Variants in AK5 observed in about 807,000 individuals in gnomAD.
The protein encoded by AK5 is adenylate kinase isoenzyme 5.
AK5 carries 27 observed loss-of-function variants against 69.5 expected under a neutral mutation model. The ratio of observed to expected loss-of-function variants is 0.39; its 90% CI spans 0.29 to 0.54. The LOEUF (loss-of-function observed/expected upper bound fraction) is 0.54, where lower values mean the gene tolerates loss of function less well. Ranked by LOEUF, AK5 falls within the 20% of genes least tolerant of loss-of-function variation. The probability of loss-of-function intolerance (pLI) is 0.71; values close to 1 mark genes in which losing one functional copy is unlikely to be tolerated. For synonymous variants in AK5, 260 were observed against 244.4 expected (o/e 1.06, Z -0.60); for missense variants, 531 against 700.4 (o/e 0.76, Z 2.73).
chr1:77,378,377 A>C (rs1306321127), intron 6 of AK5, among the ~76,000 whole-genome samples: 4 of 152,166 alleles, frequency 2.6e-5, no homozygotes, highest in African/African-American at 7.2e-5. Flanking sequence ...GGCTGTATGC[A>C]ATGGCACGAT....
intron 6 of AK5, among the ~76,000 whole-genome samples, chr1:77,344,527 T>A (rs1440772519): frequency 6.6e-6 from 1 of 152,208 alleles, no homozygotes; most frequent in African/African-American, 2.4e-5. Context: ...CTAGGAAAGC[T>A]ACTTTTACTA....
intron 6 of AK5, among the ~76,000 whole-genome samples, chr1:77,360,210 C>T (rs896318494): frequency 6.6e-6 from 1 of 152,120 alleles, no homozygotes; most frequent in Non-Finnish European, 1.5e-5. Flanking sequence ...GCCAAAGCAA[C>T]ATCTTAGGAC....
At chr1:77,537,374 C>T (rs1323776887) in intron 13 of AK5, among the ~76,000 whole-genome samples, 1 of 151,994 alleles carries the variant, frequency 6.6e-6, no homozygotes, top group African/African-American at 2.4e-5. Context: ...CAAGATGGAT[C>T]ATATGTAGGA....
At chr1:77,539,743 T>G (rs1358487314) in intron 13 of AK5, among the ~76,000 whole-genome samples, 2 of 152,184 alleles carry the variant, frequency 1.3e-5, no homozygotes, top group Admixed American at 1.3e-4. Flanking sequence ...CTGCATCAGC[T>G]TAATCTCCCT....
intron 8 of AK5, among the ~76,000 whole-genome samples, chr1:77,461,979 A>G (rs1653869987): frequency 6.6e-6 from 1 of 152,212 alleles, no homozygotes; most frequent in Admixed American, 6.5e-5. Context: ...ATGAATACAT[A>G]CAATTTTATC....
chr1:77,524,479 T>C (rs1199822831), intron 12 of AK5, among the ~76,000 whole-genome samples: 1 of 152,230 alleles, frequency 6.6e-6, no homozygotes, highest in Non-Finnish European at 1.5e-5. Context: ...GTTTTTTTGA[T>C]AGTGGCCATC....
In AK5 at chr1:77,492,336, A is replaced by G. The variant is rs142903679; in HGVS notation, c.1147+5984A>G. Reference sequence around the variant, plus strand: ...TGAGTACATGGTAATGAAGCACACAACTAGTACAGCAGGACTAATAACACT... The same window carrying G: ...TGAGTACATGGTAATGAAGCACACAGCTAGTACAGCAGGACTAATAACACT... On this transcript the variant is annotated intron_variant, in intron 10 of 13. Coordinates refer to ENST00000354567, the MANE Select transcript of AK5 (RefSeq NM_174858.3). Among the ~76,000 whole-genome samples the G allele has an allele frequency of 2.0e-4, 30 of 152,358 alleles. 1 individual carries two copies. The East Asian group carries it at 5.6e-3, about 28-fold the overall frequency.
At chr1:77,530,384 G>A (rs1658513965) in intron 12 of AK5, among the ~76,000 whole-genome samples, 1 of 152,214 alleles carries the variant, frequency 6.6e-6, no homozygotes, top group African/African-American at 2.4e-5. Flanking sequence ...TCCCCCAAGG[G>A]GACATACCTC....
At chr1:77,530,718 TTTA>T (rs1658527489) in intron 12 of AK5, among the ~76,000 whole-genome samples, 1 of 152,182 alleles carries the variant, frequency 6.6e-6, no homozygotes, top group African/African-American at 2.4e-5. Context: ...TATCCTCATT[TTTA>T]AATGAGGAAA....
At chr1:77,522,890 T>C (rs1313301591) in intron 12 of AK5, among the ~76,000 whole-genome samples, 1 of 152,226 alleles carries the variant, frequency 6.6e-6, no homozygotes, top group African/African-American at 2.4e-5. Flanking sequence ...TTTTCTCGTT[T>C]TTTTTTAATA....
intron 6 of AK5, among the ~76,000 whole-genome samples, chr1:77,386,205 CTG>C (rs1249907752): frequency 6.6e-6 from 1 of 152,080 alleles, no homozygotes; most frequent in East Asian, 1.9e-4. Flanking sequence ...TTATTTTAGG[CTG>C]TGTGTGAAAT....
intron 8 of AK5, among the ~76,000 whole-genome samples, chr1:77,480,118 G>A (rs1455459065): frequency 2.8e-5 from 2 of 72,616 alleles, no homozygotes; most frequent in South Asian, 7.3e-4. Context: ...CATTCACCCC[G>A]AGTGTGTGTG....
At chr1:77,375,596 T>A (rs1221625174) in intron 6 of AK5, among the ~76,000 whole-genome samples, 2 of 152,190 alleles carry the variant, frequency 1.3e-5, no homozygotes, top group Non-Finnish European at 2.9e-5. Context: ...ATGGACTGGA[T>A]CTTCAGCTAT....
intron 5 of AK5, among the ~76,000 whole-genome samples, chr1:77,329,399 A>AT (rs1253272075): frequency 6.6e-6 from 1 of 152,032 alleles, no homozygotes; most frequent in Non-Finnish European, 1.5e-5. Context: ...ATTTCCAGAG[A>AT]TTCTGGTTCA....
intron 13 of AK5, among the ~76,000 whole-genome samples, chr1:77,554,760 C>T (rs1310567729): frequency 1.4e-5 from 2 of 146,530 alleles, no homozygotes; most frequent in African/African-American, 2.5e-5. Flanking sequence ...CGCCCGCCAC[C>T]ATGCCCGGCT....
Position 77,282,138 on chromosome 1 carries a change from G to C in AK5, c.-176G>C. ...GGGAGCGCGGAGACCACAGCCCCCG[G>C]GGAGAGGCGGAGGGGGTCCCTGGCC... On this transcript the variant is annotated 5_prime_UTR_variant, in exon 1 of 14. Transcript: ENST00000354567. 1 of 487,894 alleles carries C rather than the reference G, an allele frequency of 2.0e-6. No homozygotes were observed. 30.2% of individuals were successfully genotyped at this position (487,894 alleles called of 1,614,324 possible).
intron 6 of AK5, among the ~76,000 whole-genome samples, chr1:77,391,017 C>T (rs1648387649): frequency 6.6e-6 from 1 of 152,128 alleles, no homozygotes; most frequent in African/African-American, 2.4e-5. Flanking sequence ...CACGGACAAA[C>T]TTTGTCTTGG....
intron 8 of AK5, among the ~76,000 whole-genome samples, chr1:77,477,945 C>T (rs1655046128): frequency 6.6e-6 from 1 of 152,108 alleles, no homozygotes; most frequent in Non-Finnish European, 1.5e-5. Flanking sequence ...TTGTGGCCTC[C>T]AAAAGCATTT....
intron 6 of AK5, among the ~76,000 whole-genome samples, chr1:77,343,538 G>C (rs1661764797): frequency 6.6e-6 from 1 of 152,178 alleles, no homozygotes; most frequent in Non-Finnish European, 1.5e-5. Context: ...AATGCAGAGA[G>C]CGTGTTTTAA....
Sources: gnomAD v4.1 joint callset for allele counts (sites outside exome capture counted in the v4.1 genomes callset) on GRCh38, gnomAD v4.1.1 for gene constraint, MANE v1.5 for transcripts, NCBI Gene and HGNC (gene_info 2026-07-23, HGNC 2026-07-21) for gene names.